The following GRID2 variants were observed in gnomAD, a reference collection of about 807,000 sequenced individuals.
The protein encoded by GRID2 is glutamate ionotropic receptor delta type subunit 2.
Under a neutral mutation model 114.8 loss-of-function variants are expected in GRID2, and 33 were observed. That is an observed-to-expected ratio of 0.29 (90% confidence interval 0.22 to 0.38). GRID2 has a LOEUF of 0.38. Ranked by LOEUF, GRID2 falls within the 10% of genes least tolerant of loss-of-function variation. The probability of loss-of-function intolerance (pLI) is 1.00; values close to 1 mark genes in which losing one functional copy is unlikely to be tolerated. For synonymous variants in GRID2, 505 were observed against 449.9 expected, an observed-to-expected ratio of 1.12 and a Z score of -1.55; for missense variants, 1,184 against 1,257.7, an observed-to-expected ratio of 0.94 and a Z score of 0.89.
intron 2 of GRID2, among the ~76,000 whole-genome samples, chr4:93,072,936 A>G (rs1206269400): frequency 1.3e-5 from 2 of 152,226 alleles, no homozygotes; most frequent in Non-Finnish European, 2.9e-5. Context: ...TTATAACTGC[A>G]TAAAATTAAC....
chr4:93,424,512 T>C (rs1768650285), intron 10 of GRID2, among the ~76,000 whole-genome samples: 1 of 152,160 alleles, frequency 6.6e-6, no homozygotes, highest in Admixed American at 6.5e-5. Context: ...TTCTATCAGT[T>C]TTGCCATATA....
chr4:92,728,272 A>G (rs1396102153), intron 2 of GRID2, among the ~76,000 whole-genome samples: 2 of 152,078 alleles, frequency 1.3e-5, no homozygotes. Context: ...CCCAAATGTT[A>G]CAGCTGAAAA....
chr4:93,467,686 G>A (rs997945770), intron 11 of GRID2, among the ~76,000 whole-genome samples: 1 of 152,196 alleles, frequency 6.6e-6, no homozygotes, highest in East Asian at 1.9e-4. Context: ...CACCCAAGGA[G>A]TGCTATAATC....
At chr4:93,182,829 A>G (rs1317007161) in intron 4 of GRID2, among the ~76,000 whole-genome samples, 1 of 152,184 alleles carries the variant, frequency 6.6e-6, no homozygotes, top group Non-Finnish European at 1.5e-5. Context: ...TCTCCAGTGC[A>G]GTAGTTTTCA....
At chr4:92,367,912 A>G (rs1475173118) in intron 1 of GRID2, among the ~76,000 whole-genome samples, 8 of 150,092 alleles carry the variant, frequency 5.3e-5, no homozygotes, top group Non-Finnish European at 5.9e-5. Flanking sequence ...TGAAAATGAA[A>G]ATTGTAGCAC....
intron 2 of GRID2, among the ~76,000 whole-genome samples, chr4:92,794,091 C>T (rs1429302753): frequency 2.6e-5 from 4 of 151,796 alleles, no homozygotes; most frequent in Non-Finnish European, 4.4e-5. Flanking sequence ...TAAGAGACAA[C>T]ATTATTGCAA....
chr4:93,626,314 G>C lies in GRID2; in HGVS notation c.2239G>C (p.Glu747Gln). 6.2e-7 allele frequency: 1 copy of C among 1,602,874 alleles called. No homozygotes were observed. Among genetic ancestry groups the C allele is most frequent in the African/African-American group, 1.3e-5 (1 of 74,762 alleles). Residue 747 changes from glutamate (E) to glutamine (Q), a missense_variant, in exon 14 of 16, where the codon GAA becomes CAA. Physicochemically the swap from Glu to Gln is conservative, Grantham distance 29 (BLOSUM62 2). Coordinates refer to ENST00000282020, the MANE Select transcript of GRID2 (RefSeq NM_001510.4). ...TTTCGTATGGGATGCAGCTGTATTG[G>C]AATATGTGGCTATCAATGACCCAGA... is the stretch of plus-strand genomic sequence containing the variant. The part of the protein sequence containing the change: ...YAFVWDAAVL[E>Q]YVAINDPDCS...
At chr4:93,189,210 C>T (rs575592507) in intron 4 of GRID2, among the ~76,000 whole-genome samples, 4 of 152,240 alleles carry the variant, frequency 2.6e-5, no homozygotes, top group African/African-American at 7.2e-5. Flanking sequence ...TAACAAGATA[C>T]TTTAGAATGG....
At chr4:92,913,534 T>C (rs1325649912) in intron 2 of GRID2, among the ~76,000 whole-genome samples, 1 of 151,966 alleles carries the variant, frequency 6.6e-6, no homozygotes, top group Admixed American at 6.6e-5. Context: ...AAGAGACCAA[T>C]TTCCTGCATG....
At chr4:92,978,992 G>T (rs895440646) in intron 2 of GRID2, among the ~76,000 whole-genome samples, 8 of 152,064 alleles carry the variant, frequency 5.3e-5, no homozygotes, top group African/African-American at 1.9e-4. Context: ...CTGCACTCCA[G>T]CCCTGGTGGC....
At chr4:92,541,502 A>AATAATC (rs398072226) in intron 1 of GRID2, among the ~76,000 whole-genome samples, 2 of 151,946 alleles carry the variant, frequency 1.3e-5, no homozygotes, top group Non-Finnish European at 2.9e-5. Context: ...TAATAATAAT[A>AATAATC]TCTAATCCAT....
intron 1 of GRID2, among the ~76,000 whole-genome samples, chr4:92,473,653 T>C (rs910526662): frequency 6.6e-6 from 1 of 152,098 alleles, no homozygotes; most frequent in Non-Finnish European, 1.5e-5. Context: ...AAATATTCTT[T>C]ATGAATTTGA....
chr4:93,333,995 AT>A (rs1206933723), intron 8 of GRID2, among the ~76,000 whole-genome samples: 1 of 152,188 alleles, frequency 6.6e-6, no homozygotes, highest in African/African-American at 2.4e-5. Context: ...AGTACAATAG[AT>A]GCAGTTCCCT....
chr4:93,340,800 G>C (rs934386528), intron 8 of GRID2, among the ~76,000 whole-genome samples: 1 of 152,150 alleles, frequency 6.6e-6, no homozygotes, highest in Non-Finnish European at 1.5e-5. Flanking sequence ...TTTCTCTTTG[G>C]AGGGAAAATT....
At chr4:92,662,526 T>C (rs1732569557) in intron 2 of GRID2, among the ~76,000 whole-genome samples, 1 of 151,020 alleles carries the variant, frequency 6.6e-6, no homozygotes. Flanking sequence ...CTTTGAATCA[T>C]TGTCTCTACT....
At chr4:92,890,377 GTCTAGTATCCA>G (rs1488432127) in intron 2 of GRID2, among the ~76,000 whole-genome samples, 29 of 152,104 alleles carry the variant, frequency 1.9e-4, no homozygotes, top group African/African-American at 6.5e-4. Flanking sequence ...TCTGACAAAA[GTCTAGTATCCA>G]GAATCTACAA....
At chr4:93,667,399 T>C (rs1404938607) in intron 14 of GRID2, among the ~76,000 whole-genome samples, 3 of 151,894 alleles carry the variant, frequency 2.0e-5, no homozygotes, top group Non-Finnish European at 4.4e-5. Flanking sequence ...TTTTTTTTTT[T>C]TCCAAAAATC....
intron 2 of GRID2, among the ~76,000 whole-genome samples, chr4:92,642,352 T>C (rs566912368): frequency 6.6e-6 from 1 of 152,062 alleles, no homozygotes; most frequent in Admixed American, 6.6e-5. Flanking sequence ...TGTGAGATGG[T>C]ATCTCATTGT....
At chr4:92,776,292 G>A (rs1420231270) in intron 2 of GRID2, among the ~76,000 whole-genome samples, 1 of 152,088 alleles carries the variant, frequency 6.6e-6, no homozygotes, top group Non-Finnish European at 1.5e-5. Context: ...ACACACTCCA[G>A]GGCAAATCTT....
Sources: gnomAD v4.1 joint callset for allele counts (sites outside exome capture counted in the v4.1 genomes callset) on GRCh38, gnomAD v4.1.1 for gene constraint, MANE v1.5 for transcripts, NCBI Gene and HGNC (gene_info 2026-07-23, HGNC 2026-07-21) for gene names.